ARID3B: variants seen among roughly 807,000 people sequenced by gnomAD.
ARID3B encodes the protein AT-rich interactive domain-containing protein 3B.
ARID3B carries 10 observed loss-of-function variants against 51.9 expected under a neutral mutation model. That is an observed-to-expected ratio of 0.19 (90% confidence interval 0.12 to 0.33). The LOEUF is 0.33. Among genes scored for constraint, ARID3B ranks in the 10% least tolerant of loss-of-function variants. The pLI, the probability that ARID3B is intolerant of heterozygous loss-of-function variation, is 1.00. For missense variants in ARID3B, 483 were observed against 716.3 expected (o/e 0.67, Z 3.72); for synonymous variants, 205 against 279.5 (o/e 0.73, Z 2.66).
rs1403276073 is a variant in ARID3B, at chr15:74,573,114, G to T, written c.625-18G>T. ...GAATTTTTCACTGTGTGTTTTTCTT[G>T]GGGGATTGGGATTGCAGCTGTATGA... On this transcript the variant is annotated intron_variant, in intron 3 of 8. Coordinates refer to ENST00000346246, the MANE Select transcript of ARID3B (RefSeq NM_006465.4). 1 of 1,613,100 alleles carries T rather than the reference G, an allele frequency of 6.2e-7. No individual in the cohort carries two copies.
intron 4 of ARID3B, among the ~76,000 whole-genome samples, chr15:74,587,773 G>A (rs2061786650): frequency 6.6e-6 from 1 of 152,204 alleles, no homozygotes; most frequent in African/African-American, 2.4e-5. Flanking sequence ...GAACAGCACT[G>A]GGAGAAGTCA....
chr15:74,593,349 C>T (rs1004482039), intron 8 of ARID3B, 113 bp downstream of exon 8: 142 of 946,316 alleles, frequency 1.5e-4, no homozygotes, highest in Non-Finnish European at 2.2e-4. Flanking sequence ...CAGTGGCTTC[C>T]TTTTTCCTGG....
chr15:74,541,980 G>A (rs980290500), intron 1 of ARID3B, among the ~76,000 whole-genome samples: 2 of 152,210 alleles, frequency 1.3e-5, no homozygotes, highest in African/African-American at 4.8e-5. Flanking sequence ...GCTCTTTGGG[G>A]GAGGGTGTGT....
At chr15:74,585,705 T>G (rs2061778829) in intron 4 of ARID3B, among the ~76,000 whole-genome samples, 1 of 152,246 alleles carries the variant, frequency 6.6e-6, no homozygotes, top group Non-Finnish European at 1.5e-5. Context: ...CGATTGCCTA[T>G]TGGTTCTTGT....
At chr15:74,567,940 T>C (rs2061705680) in intron 2 of ARID3B, among the ~76,000 whole-genome samples, 1 of 152,182 alleles carries the variant, frequency 6.6e-6, no homozygotes, top group Non-Finnish European at 1.5e-5. Context: ...CTTGATTCAT[T>C]ATTTTTGAAG....
At chr15:74,557,933 C>T (rs1471697544) in intron 2 of ARID3B, among the ~76,000 whole-genome samples, 2 of 151,430 alleles carry the variant, frequency 1.3e-5, no homozygotes, top group Admixed American at 6.6e-5. Context: ...GCCATTCTCC[C>T]GCCTCAGCTT....
intron 2 of ARID3B, among the ~76,000 whole-genome samples, chr15:74,556,809 CTG>C (rs375111937): frequency 0.012 from 1,564 of 132,438 alleles, 11 homozygotes; most frequent in Middle Eastern, 0.033. Context: ...GAGTCTCACT[CTG>C]TTGCCCAGGC....
intron 2 of ARID3B, among the ~76,000 whole-genome samples, chr15:74,552,611 C>T (rs928124218): frequency 3.3e-5 from 5 of 151,892 alleles, no homozygotes; most frequent in African/African-American, 1.2e-4. Context: ...TTTCCCTCCC[C>T]CTTAACCCCT....
chr15:74,575,896 G>C (rs2061735807), intron 4 of ARID3B, among the ~76,000 whole-genome samples: 1 of 152,114 alleles, frequency 6.6e-6, no homozygotes, highest in Non-Finnish European at 1.5e-5. Flanking sequence ...GTGCACTGTA[G>C]GATTTTGTTT....
chr15:74,568,321 T>C (rs150641920), intron 2 of ARID3B, among the ~76,000 whole-genome samples: 29 of 152,326 alleles, frequency 1.9e-4, no homozygotes, highest in South Asian at 4.1e-4. Context: ...CTTTTCTTCT[T>C]TTCTCCCTTC....
chr15:74,584,871 A>G (rs1368661749), intron 4 of ARID3B, among the ~76,000 whole-genome samples: 1 of 152,104 alleles, frequency 6.6e-6, no homozygotes. Context: ...CGCCAGCTTC[A>G]CTGGGTCCAT....
chr15:74,551,583 C>T (rs2061637647), intron 2 of ARID3B, among the ~76,000 whole-genome samples: 1 of 152,144 alleles, frequency 6.6e-6, no homozygotes, highest in South Asian at 2.1e-4. Flanking sequence ...TCTTTGGGCT[C>T]ATTCTCTTCC....
At chr15:74,544,623 A>G in intron 2 of ARID3B, 135 bp downstream of exon 2, 1 of 754,320 alleles carries the variant, frequency 1.3e-6, no homozygotes, top group Non-Finnish European at 2.1e-6. Context: ...AGACATGAAT[A>G]GACTTTGGAT....
chr15:74,584,962 C>T (rs984155692), intron 4 of ARID3B, among the ~76,000 whole-genome samples: 1 of 152,346 alleles, frequency 6.6e-6, no homozygotes, highest in Admixed American at 6.5e-5. Context: ...CTCTTTGTTG[C>T]AACTGTCAGT....
chr15:74,594,187 G>A lies in ARID3B; in HGVS notation c.1519+951G>A, dbSNP rs554881920. Among the ~76,000 whole-genome samples, 8 of 152,288 alleles carry A rather than the reference G, an allele frequency of 5.3e-5. No homozygotes were observed. The East Asian group carries it at 5.8e-4, about 11-fold the overall frequency. Reference sequence around the variant, plus strand: ...AGCATTGCTGGGCGCGGTGGCTCACGCCTGTAATCCCAGCATTTTGGGAGG... The same window carrying A: ...AGCATTGCTGGGCGCGGTGGCTCACACCTGTAATCCCAGCATTTTGGGAGG... On this transcript the variant is annotated intron_variant, in intron 8 of 8. Coordinates refer to ENST00000346246, the MANE Select transcript of ARID3B (RefSeq NM_006465.4).
chr15:74,576,411 C>T (rs567648648), intron 4 of ARID3B, among the ~76,000 whole-genome samples: 9 of 152,160 alleles, frequency 5.9e-5, no homozygotes, highest in South Asian at 4.1e-4. Context: ...TGGTGGCTCA[C>T]GCCTGTAATC....
intron 7 of ARID3B, 94 bp from the exon 8 acceptor site, chr15:74,593,044 G>A (rs1473828724): frequency 1.9e-6 from 2 of 1,063,168 alleles, no homozygotes; most frequent in Non-Finnish European, 1.4e-6. Context: ...AACAGCGTGA[G>A]GCTTTGACCA....
At chr15:74,574,606 A>G (rs2061730624) in intron 4 of ARID3B, 1 of 152,104 alleles carries the variant, frequency 6.6e-6, no homozygotes, top group Non-Finnish European at 1.5e-5. Context: ...AAAGTTTTGA[A>G]TCTTGGTTTT....
Position 74,548,184 on chromosome 15 carries a change from A to G in ARID3B, c.552+3696A>G, listed in dbSNP as rs1461145224. 2.6e-5 allele frequency among the ~76,000 whole-genome samples: 4 copies of G among 152,156 alleles called. No individual in the cohort carries two copies. In the East Asian group the frequency reaches 7.7e-4, roughly 29 times the overall value. On this transcript the variant is annotated intron_variant, in intron 2 of 8. Coordinates refer to ENST00000346246, the MANE Select transcript of ARID3B (RefSeq NM_006465.4). ...AACTGAGTGTTCCTTTTCTCAAAGG[A>G]GATCATACAGCCAACTAGGGGATGT...
Sources: allele counts gnomAD v4.1 joint callset (sites outside exome capture counted in the v4.1 genomes callset), GRCh38; gene constraint gnomAD v4.1.1; transcripts MANE v1.5; gene names NCBI Gene and HGNC (gene_info 2026-07-23, HGNC 2026-07-21).